Variants in KAT6B observed in about 807,000 individuals in gnomAD.
KAT6B encodes histone acetyltransferase KAT6B.
In KAT6B, 10 loss-of-function variants were observed where a neutral mutation model predicts 187.5. The observed-to-expected ratio is 0.05, with a 90% CI of 0.03 to 0.09. KAT6B has a LOEUF of 0.09. Among genes scored for constraint, KAT6B ranks in the 10% least tolerant of loss-of-function variants. The probability of loss-of-function intolerance (pLI) is 1.00; values close to 1 mark genes in which losing one functional copy is unlikely to be tolerated. For missense variants in KAT6B, 1,952 were observed against 2,558.9 expected (o/e 0.76, Z 5.12); for synonymous variants, 861 against 926.8 (o/e 0.93, Z 1.29).
intron 3 of KAT6B, among the ~76,000 whole-genome samples, chr10:74,849,205 C>T (rs1193979820): frequency 1.3e-5 from 2 of 152,090 alleles, no homozygotes; most frequent in East Asian, 1.9e-4. Context: ...TGGCCTTGAA[C>T]TCCTGGCCTC....
chr10:74,914,119 G>C (rs1174498178), intron 3 of KAT6B, among the ~76,000 whole-genome samples: 1 of 151,752 alleles, frequency 6.6e-6, no homozygotes, highest in Non-Finnish European at 1.5e-5. Flanking sequence ...CCAGGAGGCA[G>C]ACATTGCAGT....
At chr10:74,967,462 A>G (rs1841560396) in intron 4 of KAT6B, among the ~76,000 whole-genome samples, 1 of 152,232 alleles carries the variant, frequency 6.6e-6, no homozygotes, top group African/African-American at 2.4e-5. Context: ...GCAGTAGTAT[A>G]TCAAGACACG....
intron 3 of KAT6B, among the ~76,000 whole-genome samples, chr10:74,936,942 A>G (rs1229740883): frequency 6.6e-6 from 1 of 152,226 alleles, no homozygotes; most frequent in Non-Finnish European, 1.5e-5. Flanking sequence ...TCATGTTTGT[A>G]ACTTTCATTC....
At chr10:74,881,632 C>T (rs1020581442) in intron 3 of KAT6B, among the ~76,000 whole-genome samples, 1 of 152,118 alleles carries the variant, frequency 6.6e-6, no homozygotes, top group African/African-American at 2.4e-5. Context: ...GCAAGGATGC[C>T]ATTAACCAGC....
At chr10:74,964,647 T>A (rs1186382747) in intron 4 of KAT6B, among the ~76,000 whole-genome samples, 2 of 152,044 alleles carry the variant, frequency 1.3e-5, no homozygotes, top group African/African-American at 4.8e-5. Context: ...AAAGTTAATA[T>A]CCAGAACAGC....
intron 3 of KAT6B, among the ~76,000 whole-genome samples, chr10:74,935,808 A>G (rs1340924471): frequency 6.6e-6 from 1 of 152,220 alleles, no homozygotes; most frequent in African/African-American, 2.4e-5. Context: ...CTTTTGAGTG[A>G]TGATGATTAG....
chr10:74,938,207 G>A (rs1849402561), intron 3 of KAT6B, among the ~76,000 whole-genome samples: 1 of 152,088 alleles, frequency 6.6e-6, no homozygotes, highest in Non-Finnish European at 1.5e-5. Context: ...ATCTAACCTG[G>A]GAGCTTGTTT....
rs1364020165 is a variant in KAT6B at position 74,976,042 on chromosome 10, A to G, written c.1705A>G (p.Lys569Glu). The change falls in exon 8 of 18, where the codon AAA (lysine) becomes GAA (glutamate). Residue 569 changes from lysine to glutamate, a missense_variant. Around this residue, in one of 9 missense-constraint regions of KAT6B, gnomAD observed 417 missense variants for 508.9 expected, o/e 0.82. Transcript: ENST00000287239. Reference protein sequence around the residue: ...KKGHPSYAPPKRMRRKTELSS... With the variant: ...KKGHPSYAPPERMRRKTELSS... ...GGGACACCCGAGTTATGCACCACCC[A>G]AACGTATGCGTCGTAAAACTGAATT... The G allele has an allele frequency of 3.1e-6, 5 of 1,614,214 alleles. No individual in the cohort carries two copies. Among genetic ancestry groups the G allele is most frequent in the Non-Finnish European group, 4.2e-6 (5 of 1,180,034 alleles).
In KAT6B at chr10:74,912,375, G is replaced by GGATGGATAGATAGATA. The variant is rs1554825627; in HGVS notation, c.622-47592_622-47591insGGATAGATAGATAGAT. On this transcript the variant is annotated intron_variant, in intron 3 of 17. Coordinates refer to ENST00000287239, the MANE Select transcript of KAT6B (RefSeq NM_012330.4). Reference sequence around the variant, plus strand: ...GGATGGATAGATTAAATGGATGGATGGATAGATAGATAGATAGATAGATAG... The same window carrying GGATGGATAGATAGATA: ...GGATGGATAGATTAAATGGATGGATGGATGGATAGATAGATAGATAGATAGATAGATAGATAGATAG... Among the ~76,000 whole-genome samples, 267 of 145,640 alleles carry GGATGGATAGATAGATA rather than the reference G, an allele frequency of 1.8e-3. 2 individuals are homozygous for GGATGGATAGATAGATA. The highest frequency in any genetic ancestry group is 6.3e-3 in the African/African-American group (243 of 38,402).
chr10:74,842,509 C>T (rs1041883239), intron 2 of KAT6B, 91 bp from the exon 3 acceptor site: 1 of 524,726 alleles, frequency 1.9e-6, no homozygotes, highest in African/African-American at 1.9e-5. Context: ...TGTGGTCATT[C>T]TGTGTCTGAA....
At chr10:74,884,640 C>CT (rs1845101910) in intron 3 of KAT6B, among the ~76,000 whole-genome samples, 1 of 151,718 alleles carries the variant, frequency 6.6e-6, no homozygotes. Context: ...GTGATCTGGG[C>CT]TCACTGCAAC....
At chr10:74,969,563 C>T in intron 4 of KAT6B, 97 bp from the exon 5 acceptor site, 1 of 743,606 alleles carries the variant, frequency 1.3e-6, no homozygotes, top group Non-Finnish European at 2.5e-6. Flanking sequence ...GGTTCATTGG[C>T]TAGCCTCATC....
At chr10:74,953,663 G>T in intron 3 of KAT6B, among the ~76,000 whole-genome samples, 1 of 152,034 alleles carries the variant, frequency 6.6e-6, no homozygotes, top group East Asian at 1.9e-4. Flanking sequence ...GATCTATAGG[G>T]GATTATGGAG....
intron 3 of KAT6B, among the ~76,000 whole-genome samples, chr10:74,863,356 TTA>T: frequency 6.6e-6 from 1 of 152,210 alleles, no homozygotes; most frequent in East Asian, 1.9e-4. Flanking sequence ...TGCATAGTAT[TTA>T]TGTCTTTATC....
chr10:74,975,858 A>T lies in KAT6B; in HGVS notation c.1521A>T (p.Ser507=). Reference sequence around the variant, plus strand: ...CCATCTCCGGTCAGAGCCCCAGTTCACAAAAGTCCAGCACGGCCACTTCTT... The same window carrying T: ...CCATCTCCGGTCAGAGCCCCAGTTCTCAAAAGTCCAGCACGGCCACTTCTT... ...PTPISGQSPS[S]QKSSTATSSP... The change falls in exon 8 of 18, where the codon TCA becomes TCT. Residue 507 remains serine, a synonymous_variant. Transcript: ENST00000287239. 1 of 1,614,052 alleles carries T rather than the reference A, an allele frequency of 6.2e-7. No homozygotes were observed. The highest frequency in any genetic ancestry group is 8.5e-7 in the Non-Finnish European group (1 of 1,180,010).
At chr10:74,855,644 G>C (rs1842767844) in intron 3 of KAT6B, among the ~76,000 whole-genome samples, 1 of 152,188 alleles carries the variant, frequency 6.6e-6, no homozygotes, top group African/African-American at 2.4e-5. Context: ...AGCTGTTCCA[G>C]GTAGACTCCT....
chr10:74,885,478 A>G lies in KAT6B; in HGVS notation c.621+42000A>G, dbSNP rs561909047. 4.6e-5 allele frequency among the ~76,000 whole-genome samples: 7 copies of G among 152,330 alleles called. No homozygotes were observed. In the South Asian group the frequency reaches 1.2e-3, roughly 27 times the overall value. On this transcript the variant is annotated intron_variant, in intron 3 of 17. Coordinates refer to ENST00000287239, the MANE Select transcript of KAT6B (RefSeq NM_012330.4). ...GAAGTTGATATTGGATAATATTGCT[A>G]TTAGGCCAATGAGAGATTTCTTTAA...
intron 3 of KAT6B, among the ~76,000 whole-genome samples, chr10:74,911,743 T>C: frequency 6.6e-6 from 1 of 152,214 alleles, no homozygotes. Context: ...AATATTTTGA[T>C]ACATTTTCTA....
In KAT6B at chr10:75,007,299, C is replaced by G. The variant is rs1174757123; in HGVS notation, c.2630-13283C>G. ...TCTAGTTACCATTTTGCAAGAGATA[C>G]AGAGTAAAGAGGAGCATACTGAGCT... On this transcript the variant is annotated intron_variant, in intron 13 of 17. Coordinates refer to ENST00000287239, the MANE Select transcript of KAT6B (RefSeq NM_012330.4). Among the ~76,000 whole-genome samples, 4 of 152,042 alleles carry G rather than the reference C, an allele frequency of 2.6e-5. No individual in the cohort carries two copies. In the South Asian group the frequency reaches 8.3e-4, roughly 32 times the overall value.
Sources: gnomAD v4.1 joint callset for allele counts (sites outside exome capture counted in the v4.1 genomes callset) on GRCh38, gnomAD v4.1.1 for gene constraint, gnomAD v4.1.1 regional missense constraint, MANE v1.5 for transcripts, NCBI Gene and HGNC (gene_info 2026-07-23, HGNC 2026-07-21) for gene names.